The following JPH3 variants were observed in gnomAD, a reference collection of about 807,000 sequenced individuals.
JPH3 encodes the protein junctophilin 3, also known as junctophilin-3.
A neutral mutation model predicts 59.6 loss-of-function variants in JPH3; 11 were observed. The observed-to-expected ratio is 0.18, with a 90% confidence interval of 0.12 to 0.31. JPH3 has a LOEUF of 0.31. Ranked by LOEUF, JPH3 falls within the 10% of genes least tolerant of loss-of-function variation. The pLI, the probability that JPH3 is intolerant of heterozygous loss-of-function variation, is 1.00. For synonymous variants in JPH3, 673 were observed against 483.6 expected, an observed-to-expected ratio of 1.39 and a Z score of -5.14; for missense variants, 1,202 against 1,105.7, an observed-to-expected ratio of 1.09 and a Z score of -1.24.
intron 2 of JPH3, among the ~76,000 whole-genome samples, chr16:87,662,626 T>C (rs1007614155): frequency 1.3e-5 from 2 of 151,972 alleles, no homozygotes; most frequent in African/African-American, 4.8e-5. Flanking sequence ...CCCTCCAGAG[T>C]CTGTCCCGGC....
At position 87,603,114 on chromosome 16, in the gene JPH3, A is replaced by G. The variant is rs2030323758; in HGVS notation, c.-33A>G. ...GTGTCGATCGCCTGAGTCCGTTTTCACCGTTTGCGGGATCTGGAACCGAGT... is the reference window on the plus strand; with the variant it reads ...GTGTCGATCGCCTGAGTCCGTTTTCGCCGTTTGCGGGATCTGGAACCGAGT... On this transcript the variant is annotated 5_prime_UTR_variant, in exon 1 of 5. Coordinates refer to ENST00000284262, the MANE Select transcript of JPH3 (RefSeq NM_020655.4). The G allele has an allele frequency of 3.7e-6, 6 of 1,613,322 alleles. No individual in the cohort carries two copies. Among genetic ancestry groups the G allele is most frequent in the Non-Finnish European group, 5.1e-6 (6 of 1,179,768 alleles).
At chr16:87,620,769 G>A (rs536670302) in intron 1 of JPH3, among the ~76,000 whole-genome samples, 1 of 152,224 alleles carries the variant, frequency 6.6e-6, no homozygotes, top group Non-Finnish European at 1.5e-5. Flanking sequence ...AAGGCCACAC[G>A]GTTCTGCTGT....
intron 2 of JPH3, among the ~76,000 whole-genome samples, chr16:87,677,226 A>ACACACACACACAC (rs1491554199): frequency 3.4e-4 from 30 of 88,014 alleles, no homozygotes; most frequent in East Asian, 7.3e-4. Context: ...ACACACACAC[A>ACACACACACACAC]AAAAAAAAAA....
intron 2 of JPH3, among the ~76,000 whole-genome samples, chr16:87,665,015 G>A (rs540903035): frequency 6.6e-6 from 1 of 152,226 alleles, no homozygotes; most frequent in Non-Finnish European, 1.5e-5. Flanking sequence ...CCATCTGTTT[G>A]CTCCCGTTTG....
At position 87,607,606 on chromosome 16, in the gene JPH3, A is replaced by C. The variant is rs111411959; in HGVS notation, c.382+4078A>C. Reference sequence around the variant, plus strand: ...AACGGGGAGCTCAGATGACAGAGGCAGTGGTGTGCTTCGTTTCCATTTTAA... The same window carrying C: ...AACGGGGAGCTCAGATGACAGAGGCCGTGGTGTGCTTCGTTTCCATTTTAA... On this transcript the variant is annotated intron_variant, in intron 1 of 4. Transcript: ENST00000284262. Among the ~76,000 whole-genome samples the C allele has an allele frequency of 5.2e-5, 8 of 152,382 alleles. 1 individual carries two copies. Among genetic ancestry groups the C allele is most frequent in the African/African-American group, 1.9e-4 (8 of 41,586 alleles).
chr16:87,685,365 G>T (rs78956679), intron 3 of JPH3, among the ~76,000 whole-genome samples: 7 of 152,176 alleles, frequency 4.6e-5, no homozygotes, highest in Admixed American at 3.3e-4. Context: ...CCAGACACAC[G>T]CACCCCAAAG....
At chr16:87,646,151 TC>T in intron 2 of JPH3, among the ~76,000 whole-genome samples, 1 of 152,290 alleles carries the variant, frequency 6.6e-6, no homozygotes, top group Admixed American at 6.5e-5. Flanking sequence ...GACCTGGAGT[TC>T]CTCCAGGAAA....
rs1233397017 is a variant in JPH3 at position 87,697,545 on chromosome 16, T to C, written c.*885T>C. On this transcript the variant is annotated 3_prime_UTR_variant, in exon 5 of 5. Transcript: ENST00000284262. ...TGCAGGGTGGACGCGTGGGGTTCCGTGTCCCCAGCAGTGAGGGCCCTAGAG... is the reference window on the plus strand; with the variant it reads ...TGCAGGGTGGACGCGTGGGGTTCCGCGTCCCCAGCAGTGAGGGCCCTAGAG... The C allele has an allele frequency of 6.6e-6, 1 of 152,532 alleles. No homozygotes were observed. Among genetic ancestry groups the C allele is most frequent in the Non-Finnish European group, 1.5e-5 (1 of 68,188 alleles). The allele number at this position is 152,532 out of a possible 1,614,324, so 9.4% of individuals were successfully genotyped here. A position where few individuals can be genotyped will look rare whatever the true frequency, so the allele number is the denominator to read the frequency against.
At chr16:87,656,686 A>G (rs1205048203) in intron 2 of JPH3, among the ~76,000 whole-genome samples, 1 of 152,182 alleles carries the variant, frequency 6.6e-6, no homozygotes, top group Non-Finnish European at 1.5e-5. Context: ...AGGACAGAGG[A>G]CGAGGAGGAA....
At chr16:87,659,367 A>G (rs2032619478) in intron 2 of JPH3, among the ~76,000 whole-genome samples, 1 of 124,894 alleles carries the variant, frequency 8.0e-6, no homozygotes, top group South Asian at 3.1e-4. Flanking sequence ...ACAGAGTAAG[A>G]CTGTCTCAAA....
chr16:87,619,677 G>A (rs2031101014), intron 1 of JPH3, among the ~76,000 whole-genome samples: 1 of 152,186 alleles, frequency 6.6e-6, no homozygotes, highest in African/African-American at 2.4e-5. Flanking sequence ...GAGGAGCCAC[G>A]GAGTCTGGGG....
intron 1 of JPH3, 95 bp from the exon 2 acceptor site, chr16:87,644,163 C>G: frequency 4.6e-6 from 6 of 1,304,978 alleles, no homozygotes; most frequent in Non-Finnish European, 6.4e-6. Context: ...ACAGGAAGCT[C>G]AGACAGGACT....
In JPH3 at chr16:87,656,613, C is replaced by G. The variant is rs117899681; in HGVS notation, c.1160+11578C>G. On this transcript the variant is annotated intron_variant, in intron 2 of 4. Coordinates refer to ENST00000284262, the MANE Select transcript of JPH3 (RefSeq NM_020655.4). ...GAATCAGTCAGTGCCTGGGAACATT[C>G]GAGGCCCTGGCTTGGGTTCAAGCCT... is the stretch of plus-strand genomic sequence containing the variant. Among the ~76,000 whole-genome samples, 238 of 152,274 alleles carry G rather than the reference C, an allele frequency of 1.6e-3. 2 individuals are homozygous for G. The East Asian group carries it at 0.024, about 15-fold the overall frequency.
At chr16:87,655,906 C>T (rs955609391) in intron 2 of JPH3, among the ~76,000 whole-genome samples, 4 of 152,248 alleles carry the variant, frequency 2.6e-5, no homozygotes, top group African/African-American at 9.6e-5. Context: ...TCACTTGCCA[C>T]TCTGCTGCTG....
intron 2 of JPH3, among the ~76,000 whole-genome samples, chr16:87,647,697 G>A (rs2032198068): frequency 6.6e-6 from 1 of 152,182 alleles, no homozygotes; most frequent in South Asian, 2.1e-4. Context: ...CACACACACG[G>A]CTCTGCACAC....
intron 1 of JPH3, among the ~76,000 whole-genome samples, chr16:87,622,703 C>T (rs1276841303): frequency 6.6e-6 from 1 of 151,866 alleles, no homozygotes; most frequent in East Asian, 1.9e-4. Context: ...TGGGGGAGCC[C>T]CAGAGATGGT....
chr16:87,607,933 A>C (rs142788409), intron 1 of JPH3, among the ~76,000 whole-genome samples: 4 of 152,358 alleles, frequency 2.6e-5, no homozygotes, highest in Admixed American at 6.5e-5. Flanking sequence ...CGTAAGGTGA[A>C]AAGAGAAAGG....
intron 1 of JPH3, chr16:87,604,312 C>A: frequency 6.8e-7 from 1 of 1,466,526 alleles, no homozygotes; most frequent in South Asian, 1.2e-5. Context: ...GCTGCTGCTG[C>A]TGCTGCTGCT....
chr16:87,690,519 C>G lies in JPH3; in HGVS notation c.2159C>G (p.Ser720Cys). 2 of 1,472,500 alleles carry G rather than the reference C, an allele frequency of 1.4e-6. No homozygotes were observed. Among genetic ancestry groups the G allele is most frequent in the South Asian group, 1.5e-5 (1 of 68,514 alleles). The allele number at this position is 1,472,500 out of a possible 1,614,324, so 91.2% of individuals were successfully genotyped here. The change falls in exon 4 of 5, where the codon TCC becomes TGC. Residue 720 changes from serine to cysteine, a missense_variant. By Grantham distance (112) the Ser-to-Cys change is moderately radical. Transcript: ENST00000284262. ...GAGGAGAATGGGGATGAGCTCAAGT[C>G]CAGTACGGTGAGTGGGCGGCCACCA... The part of the protein sequence containing the change: ...SDEENGDELK[S>C]STGSAPILVV...
Sources: allele counts gnomAD v4.1 joint callset (sites outside exome capture counted in the v4.1 genomes callset), GRCh38; gene constraint gnomAD v4.1.1; transcripts MANE v1.5; gene names NCBI Gene and HGNC (gene_info 2026-07-23, HGNC 2026-07-21).